GIT2: variants seen among roughly 807,000 people sequenced by gnomAD.
The protein encoded by GIT2 is GIT ArfGAP 2.
In GIT2, 32 loss-of-function variants were observed where a neutral mutation model predicts 100.3. That is an observed-to-expected ratio of 0.32 (90% CI 0.24 to 0.43). The LOEUF (loss-of-function observed/expected upper bound fraction) is 0.43. Ranked by LOEUF, GIT2 falls within the 20% of genes least tolerant of loss-of-function variation. GIT2 has a pLI of 1.00. For missense variants in GIT2, 737 were observed against 975.1 expected (o/e 0.76, Z 3.25); for synonymous variants, 353 against 364.1 (o/e 0.97, Z 0.35).
intron 17 of GIT2, 60 bp downstream of exon 17, chr12:109,939,105 C>G: frequency 1.0e-6 from 1 of 957,854 alleles, no homozygotes; most frequent in Admixed American, 1.7e-5. Flanking sequence ...CTGGCCCAGG[C>G]CTGCCAGGTC....
At chr12:109,961,021 A>G (rs1880910799) in intron 11 of GIT2, among the ~76,000 whole-genome samples, 1 of 152,200 alleles carries the variant, frequency 6.6e-6, no homozygotes, top group South Asian at 2.1e-4. Flanking sequence ...GCTTTCTTAG[A>G]TTACTGACAA....
intron 12 of GIT2, among the ~76,000 whole-genome samples, chr12:109,959,070 GTTT>G (rs777221325): frequency 7.1e-6 from 1 of 140,274 alleles, no homozygotes; most frequent in Admixed American, 7.2e-5. Flanking sequence ...TTTCTTTTCC[GTTT>G]TTTTTTTTTT....
chr12:109,965,985 G>T (rs1466086291), intron 8 of GIT2, among the ~76,000 whole-genome samples: 1 of 149,810 alleles, frequency 6.7e-6, no homozygotes, highest in African/African-American at 2.4e-5. Context: ...GGATCACAAG[G>T]TCAGGGTTGT....
upstream of GIT2, chr12:109,996,440 T>G (rs981202934): frequency 1.9e-6 from 1 of 521,922 alleles, no homozygotes; most frequent in African/African-American, 2.0e-5. Flanking sequence ...CTCTGCCTTG[T>G]CGCCATCTTG....
intron 7 of GIT2, among the ~76,000 whole-genome samples, chr12:109,971,659 G>A (rs919569396): frequency 5.3e-5 from 8 of 151,544 alleles, no homozygotes; most frequent in Non-Finnish European, 8.8e-5. Flanking sequence ...TGCTTTTCTA[G>A]ATTCAGTTTC....
chr12:109,947,174 G>A lies in GIT2; in HGVS notation c.1641+82C>T, dbSNP rs1876572479. On this transcript the variant is annotated intron_variant, in intron 15 of 19. Coordinates refer to ENST00000355312, the MANE Select transcript of GIT2 (RefSeq NM_057169.5). This position sits in a 1 kb window ranked among gnomAD's most constrained non-coding sequence, Gnocchi z 4.3. Reference sequence around the variant, plus strand: ...GTCCAATTTGGCAAAGCAGAGCTGTGGGGACCTGTAGGTTCAGAAGAGGGA... The same window carrying A: ...GTCCAATTTGGCAAAGCAGAGCTGTAGGGACCTGTAGGTTCAGAAGAGGGA... The A allele has an allele frequency of 7.3e-7, 1 of 1,364,820 alleles. No homozygotes were observed. Among genetic ancestry groups the A allele is most frequent in the African/African-American group, 1.4e-5 (1 of 69,078 alleles). 84.5% of individuals were successfully genotyped at this position (1,364,820 alleles called of 1,614,324 possible). A position where few individuals can be genotyped will look rare whatever the true frequency, so the allele number is the denominator to read the frequency against.
At position 109,967,467 on chromosome 12, in the gene GIT2, A is replaced by G. The variant is rs1228218954; in HGVS notation, c.755T>C (p.Met252Thr). ...KNGQHFIIPQ[M>T]ADSSLDLSEL... ...ATTTCAATGAGCTTACCTGTCTGCCATTTGAGGTATTATAAAGTGCTGTCC... is the reference window on the plus strand; with the variant it reads ...ATTTCAATGAGCTTACCTGTCTGCCGTTTGAGGTATTATAAAGTGCTGTCC... The change falls in exon 8 of 20, where the codon ATG becomes ACG. Residue 252 changes from methionine to threonine, a missense_variant. This residue lies in a region of GIT2 where 266 missense variants were observed against 376.2 expected (regional missense o/e 0.71). Transcript: ENST00000355312. The G allele has an allele frequency of 1.3e-6, 2 of 1,599,666 alleles. No homozygotes were observed. The highest frequency in any genetic ancestry group is 1.7e-5 in the Admixed American group (1 of 60,002).
chr12:109,953,746 A>G (rs1878549779), intron 12 of GIT2: 1 of 152,442 alleles, frequency 6.6e-6, no homozygotes, highest in Admixed American at 6.5e-5. Flanking sequence ...CCAGGTGGAC[A>G]GCTACATAAG....
At chr12:109,939,312 AG>A in intron 16 of GIT2, 65 bp from the exon 17 acceptor site, 1 of 916,834 alleles carries the variant, frequency 1.1e-6, no homozygotes, top group Non-Finnish European at 1.8e-6. Flanking sequence ...AGTCTTCCCC[AG>A]GAATTGTTAC....
Position 109,933,042 on chromosome 12 carries a change from G to A in GIT2, c.2216C>T (p.Ala739Val), listed in dbSNP as rs1165064238. The change falls in exon 20 of 20, where the codon GCG (alanine) becomes GTG (valine). Residue 739 changes from alanine (A) to valine (V), a missense_variant. By Grantham distance (64) the Ala-to-Val change is moderately conservative. This residue lies in a region of GIT2 where 451 missense variants were observed against 543.7 expected (regional missense o/e 0.83). Coordinates refer to ENST00000355312, the MANE Select transcript of GIT2 (RefSeq NM_057169.5). This position sits in a 1 kb window ranked among gnomAD's most constrained non-coding sequence, Gnocchi z 4.5. ...QLVTQQVIQC[A>V]YDIAKAAKQL... ...CTTGGCAGCCTTGGCGATGTCGTACGCACACTGGATGACCTGCTGCGTGAC... is the reference window on the plus strand; with the variant it reads ...CTTGGCAGCCTTGGCGATGTCGTACACACACTGGATGACCTGCTGCGTGAC... 1.9e-6 allele frequency: 3 copies of A among 1,613,436 alleles called. No homozygotes were observed. Among genetic ancestry groups the A allele is most frequent in the Non-Finnish European group, 2.5e-6 (3 of 1,179,386 alleles).
intron 9 of GIT2, among the ~76,000 whole-genome samples, chr12:109,963,047 T>A (rs908133551): frequency 1.3e-5 from 2 of 152,054 alleles, no homozygotes; most frequent in Non-Finnish European, 2.9e-5. Context: ...AGAGACCTCA[T>A]AGGAACATGT....
upstream of GIT2, chr12:109,999,867 G>A: frequency 1.6e-6 from 2 of 1,276,774 alleles, no homozygotes; most frequent in Non-Finnish European, 2.1e-6. This position sits in a 1 kb window ranked among gnomAD's most constrained non-coding sequence, Gnocchi z 4.3. Flanking sequence ...CCCATTTCCA[G>A]CCCTCTGTCC....
chr12:109,964,559 C>G (rs11069070), intron 9 of GIT2, among the ~76,000 whole-genome samples: 148,382 of 150,916 alleles, frequency 0.98, 72,960 homozygotes, highest in Middle Eastern at 1. Context: ...GTAGGCAAAG[C>G]AGGATTCCTG....
chr12:109,955,485 T>C lies in GIT2; in HGVS notation c.1100-2251A>G, dbSNP rs1879172768. On this transcript the variant is annotated intron_variant, in intron 12 of 19. Transcript: ENST00000355312. ...TTGGCCAATATTAGATCAGTGCTTC[T>C]GGGGTTATCAACCAATCAATATATA... Among the ~76,000 whole-genome samples, 2 of 152,206 alleles carry C rather than the reference T, an allele frequency of 1.3e-5. 1 individual carries two copies. The highest frequency in any genetic ancestry group is 4.1e-4 in the South Asian group (2 of 4,830).
intron 1 of GIT2, among the ~76,000 whole-genome samples, chr12:109,992,566 C>T (rs1437948852): frequency 1.3e-5 from 2 of 152,146 alleles, no homozygotes; most frequent in Non-Finnish European, 2.9e-5. Flanking sequence ...CAGAAAGCTG[C>T]GAGTTACAGA....
upstream of GIT2, chr12:109,996,491 T>C: frequency 2.3e-6 from 1 of 437,618 alleles, no homozygotes; most frequent in Non-Finnish European, 4.1e-6. Context: ...CTGTCCTACC[T>C]TTAAATATTG....
At chr12:109,955,422 A>G (rs1006312418) in intron 12 of GIT2, among the ~76,000 whole-genome samples, 4 of 152,054 alleles carry the variant, frequency 2.6e-5, no homozygotes, top group Admixed American at 6.6e-5. Flanking sequence ...CACCGCACCC[A>G]GCCTCTTGGT....
At chr12:109,995,783 G>A (rs1414286595) in intron 1 of GIT2, among the ~76,000 whole-genome samples, 3 of 152,184 alleles carry the variant, frequency 2.0e-5, no homozygotes, top group Non-Finnish European at 4.4e-5. Flanking sequence ...GCGGAGAAAG[G>A]GTCTAGTGGG....
intron 18 of GIT2, among the ~76,000 whole-genome samples, chr12:109,936,358 G>C (rs1872980612): frequency 6.6e-6 from 1 of 150,944 alleles, no homozygotes; most frequent in African/African-American, 2.4e-5. Context: ...TTCCCAAATT[G>C]TACCAAGCAC....
Sources: allele counts gnomAD v4.1 joint callset (sites outside exome capture counted in the v4.1 genomes callset), GRCh38; gene constraint gnomAD v4.1.1; regional missense constraint gnomAD v4.1.1; non-coding constraint Gnocchi (gnomAD v3.1); transcripts MANE v1.5; gene names NCBI Gene and HGNC (gene_info 2026-07-23, HGNC 2026-07-21).